The following PACRG variants were observed in gnomAD, a reference collection of about 807,000 sequenced individuals.
PACRG encodes parkin coregulated.
In PACRG, 29 loss-of-function variants were observed where a neutral mutation model predicts 29.7. The ratio of observed to expected loss-of-function variants is 0.98; its 90% CI spans 0.73 to 1.33. The LOEUF (loss-of-function observed/expected upper bound fraction) is 1.33, where lower values mean the gene tolerates loss of function less well. Ranked by LOEUF, PACRG falls within the 40% of genes most tolerant of loss-of-function variation. The probability of loss-of-function intolerance (pLI) is 0.00; values close to 1 mark genes in which losing one functional copy is unlikely to be tolerated. For synonymous variants in PACRG, 116 were observed against 118.7 expected (o/e 0.98, Z 0.15); for missense variants, 279 against 316.2 (o/e 0.88, Z 0.89).
chr6:162,810,013 T>C (rs560586159), intron 1 of PACRG, among the ~76,000 whole-genome samples: 3 of 151,968 alleles, frequency 2.0e-5, no homozygotes, highest in Non-Finnish European at 2.9e-5. Flanking sequence ...GCCTAGAGAG[T>C]CAGGAATTTC....
chr6:163,219,022 AC>A (rs1314731577), intron 4 of PACRG, among the ~76,000 whole-genome samples: 1 of 152,184 alleles, frequency 6.6e-6, no homozygotes, highest in African/African-American at 2.4e-5. Flanking sequence ...CTGTCCAGCA[AC>A]CCTATTCTAG....
chr6:163,137,838 G>A (rs900926466), intron 4 of PACRG, among the ~76,000 whole-genome samples: 7 of 152,242 alleles, frequency 4.6e-5, no homozygotes, highest in African/African-American at 1.4e-4. Context: ...GCGCCACCGC[G>A]CACTGCCTGG....
rs146302232 is a variant in PACRG at position 162,937,406 on chromosome 6, C to A, written c.291+123125C>A. On this transcript the variant is annotated intron_variant, in intron 2 of 4. Coordinates refer to ENST00000366888, the MANE Select transcript of PACRG (RefSeq NM_001080379.2). The stretch of plus-strand genomic sequence containing the variant: ...GAGAAGGGAGTGCTAAGAACAAAAC[C>A]TGTGGGATCCCAACACTGAAAGAAT... Among the ~76,000 whole-genome samples the A allele has an allele frequency of 2.1e-3, 318 of 152,158 alleles. 5 individuals are homozygous for A. Among genetic ancestry groups the A allele is most frequent in the African/African-American group, 6.7e-3 (280 of 41,512 alleles).
chr6:163,184,542 C>T (rs1363196904), intron 4 of PACRG, among the ~76,000 whole-genome samples: 4 of 152,208 alleles, frequency 2.6e-5, no homozygotes, highest in South Asian at 2.1e-4. Flanking sequence ...CTAAGGGCTT[C>T]GAAAACCCAA....
intron 2 of PACRG, among the ~76,000 whole-genome samples, chr6:162,955,965 A>G (rs939009277): frequency 3.3e-5 from 5 of 152,018 alleles, no homozygotes; most frequent in Non-Finnish European, 7.4e-5. Flanking sequence ...GCCTGGCGAC[A>G]TGGTGGTGGT....
intron 4 of PACRG, chr6:163,182,544 C>T (rs1779721241): frequency 6.6e-6 from 1 of 152,142 alleles, no homozygotes; most frequent in South Asian, 2.1e-4. Context: ...CATGTGGTAT[C>T]TTTCTTTAGT....
intron 2 of PACRG, among the ~76,000 whole-genome samples, chr6:162,935,392 CTTTTT>C (rs79058842): frequency 1.6e-5 from 2 of 124,054 alleles, no homozygotes; most frequent in Non-Finnish European, 3.5e-5. Flanking sequence ...CTGTTTTATT[CTTTTT>C]TTTTTTTTTT....
chr6:163,135,082 A>T (rs551004), intron 4 of PACRG, among the ~76,000 whole-genome samples: 128,840 of 152,168 alleles, frequency 0.85, 54,871 homozygotes, highest in African/African-American at 0.94. Context: ...GAATTTGATA[A>T]AGAACAGTAT....
chr6:163,271,185 G>C (rs544765900), intron 4 of PACRG, among the ~76,000 whole-genome samples: 3 of 152,048 alleles, frequency 2.0e-5, no homozygotes, highest in Non-Finnish European at 4.4e-5. Context: ...GAAGACTCAG[G>C]CAGTCTAGTC....
At chr6:163,256,451 A>T (rs1218583102) in intron 4 of PACRG, among the ~76,000 whole-genome samples, 1 of 152,236 alleles carries the variant, frequency 6.6e-6, no homozygotes, top group African/African-American at 2.4e-5. Context: ...GATCAATTTC[A>T]TGAAGAAAAA....
At chr6:162,817,311 C>T (rs1030299758) in intron 2 of PACRG, among the ~76,000 whole-genome samples, 1 of 152,220 alleles carries the variant, frequency 6.6e-6, no homozygotes, top group African/African-American at 2.4e-5. Flanking sequence ...AACAAAGGCA[C>T]TCTATGGTAA....
intron 2 of PACRG, among the ~76,000 whole-genome samples, chr6:162,847,518 A>G (rs1443522813): frequency 6.6e-6 from 1 of 150,556 alleles, no homozygotes; most frequent in Non-Finnish European, 1.5e-5. Context: ...AATAACATCT[A>G]GTATGTGTGT....
chr6:162,739,838 CT>C (rs1382882069), intron 1 of PACRG, among the ~76,000 whole-genome samples: 1 of 83,920 alleles, frequency 1.2e-5, no homozygotes, highest in Admixed American at 1.3e-4. Context: ...GAGGCTCCAT[CT>C]TTAAAAAAAA....
chr6:163,096,734 C>G (rs942692643), intron 4 of PACRG, among the ~76,000 whole-genome samples: 3 of 152,046 alleles, frequency 2.0e-5, no homozygotes, highest in African/African-American at 7.2e-5. Flanking sequence ...TTGAAACTAG[C>G]GTGTTAGGTA....
intron 2 of PACRG, among the ~76,000 whole-genome samples, chr6:162,836,279 G>A (rs947817881): frequency 8.6e-5 from 13 of 150,948 alleles, no homozygotes; most frequent in South Asian, 4.2e-4. Flanking sequence ...TTTCTTTTTC[G>A]CAATTGGGTT....
intron 2 of PACRG, among the ~76,000 whole-genome samples, chr6:163,056,062 A>G (rs12190413): frequency 0.02 from 3,120 of 152,346 alleles, 92 homozygotes; most frequent in Non-Finnish European, 0.024. Flanking sequence ...CACAGGAAAT[A>G]CCATTTCACA....
At chr6:163,077,979 A>C (rs1812700360) in intron 3 of PACRG, among the ~76,000 whole-genome samples, 1 of 152,166 alleles carries the variant, frequency 6.6e-6, no homozygotes, top group Non-Finnish European at 1.5e-5. Context: ...GTTTAAAGAG[A>C]GAACCAGCTA....
At chr6:162,895,482 A>G (rs1340908995) in intron 2 of PACRG, among the ~76,000 whole-genome samples, 1 of 152,120 alleles carries the variant, frequency 6.6e-6, no homozygotes, top group Non-Finnish European at 1.5e-5. Context: ...ACATTTCTTA[A>G]TCTTTACTTT....
chr6:163,090,389 A>G (rs1813989546), intron 4 of PACRG: 1 of 152,180 alleles, frequency 6.6e-6, no homozygotes, highest in Admixed American at 6.5e-5. Flanking sequence ...ACATATTTAG[A>G]AAAAGGACTT....
Sources: allele counts gnomAD v4.1 joint callset (sites outside exome capture counted in the v4.1 genomes callset), GRCh38; gene constraint gnomAD v4.1.1; transcripts MANE v1.5; gene names NCBI Gene and HGNC (gene_info 2026-07-23, HGNC 2026-07-21).